Variants in STXBP5L observed in about 807,000 individuals in gnomAD.
The protein encoded by STXBP5L is syntaxin binding protein 5L, also known as syntaxin-binding protein 5-like.
Under a neutral mutation model 144.5 loss-of-function variants are expected in STXBP5L, and 65 were observed. The ratio of observed to expected loss-of-function variants is 0.45; its 90% CI spans 0.37 to 0.55. The LOEUF (loss-of-function observed/expected upper bound fraction) is 0.55. Ranked by LOEUF, STXBP5L falls within the 20% of genes least tolerant of loss-of-function variation. STXBP5L has a pLI of 0.00. For synonymous variants in STXBP5L, 505 were observed against 469.6 expected, an observed-to-expected ratio of 1.08 and a Z score of -0.97; for missense variants, 1,298 against 1,405.5, an observed-to-expected ratio of 0.92 and a Z score of 1.22.
Position 121,142,909 on chromosome 3 carries a change from TA to T in STXBP5L, c.670-9561del, listed in dbSNP as rs528477255. On this transcript the variant is annotated intron_variant, in intron 7 of 26. Coordinates refer to ENST00000471454, the MANE Select transcript of STXBP5L (RefSeq NM_001308330.2). ...TTAGAGGAGAAATAAATGAAATGGA[TA>T]AAAAAATCAACAAAACTGAGAGTTA... 9.2e-5 allele frequency among the ~76,000 whole-genome samples: 14 copies of T among 151,384 alleles called. No homozygotes were observed. In the East Asian group the frequency reaches 2.3e-3, roughly 25 times the overall value.
chr3:121,036,757 G>C, intron 3 of STXBP5L, among the ~76,000 whole-genome samples: 1 of 142,812 alleles, frequency 7.0e-6, no homozygotes, highest in East Asian at 2.0e-4. Flanking sequence ...TTGATAGGAT[G>C]ACTTACATTG....
intron 5 of STXBP5L, among the ~76,000 whole-genome samples, chr3:121,071,636 C>A (rs1156573865): frequency 2.0e-5 from 3 of 152,194 alleles, no homozygotes; most frequent in Non-Finnish European, 4.4e-5. Flanking sequence ...GGGACCATCC[C>A]ATAAAGGCCC....
chr3:121,095,269 G>A (rs895342358), intron 5 of STXBP5L, among the ~76,000 whole-genome samples: 1 of 152,116 alleles, frequency 6.6e-6, no homozygotes, highest in Non-Finnish European at 1.5e-5. Context: ...GTGTCTTGGA[G>A]TTGCTCTTCT....
At chr3:121,324,602 C>T (rs2044083906) in intron 20 of STXBP5L, 1 of 667,778 alleles carries the variant, frequency 1.5e-6, no homozygotes, top group Non-Finnish European at 2.7e-6. Flanking sequence ...ATGAAAATCT[C>T]TTTATGAACA....
At chr3:121,053,906 C>G (rs1948233677) in intron 5 of STXBP5L, among the ~76,000 whole-genome samples, 1 of 151,866 alleles carries the variant, frequency 6.6e-6, no homozygotes, top group South Asian at 2.1e-4. Flanking sequence ...AAAAAACAAA[C>G]AACCCCATCA....
intron 3 of STXBP5L, among the ~76,000 whole-genome samples, chr3:121,039,593 G>A (rs1947002360): frequency 6.6e-6 from 1 of 151,576 alleles, no homozygotes; most frequent in Non-Finnish European, 1.5e-5. Context: ...TTTGCCTGAA[G>A]ACCCTCTTTC....
chr3:121,076,437 C>T (rs1413263088), intron 5 of STXBP5L, among the ~76,000 whole-genome samples: 1 of 152,044 alleles, frequency 6.6e-6, no homozygotes, highest in South Asian at 2.1e-4. Flanking sequence ...TTTTCTGATG[C>T]CTTGCAGTCT....
At chr3:120,961,281 T>C (rs1012364065) in intron 3 of STXBP5L, among the ~76,000 whole-genome samples, 2 of 151,880 alleles carry the variant, frequency 1.3e-5, no homozygotes, top group Admixed American at 6.6e-5. Flanking sequence ...TTTGTTTTTT[T>C]TTTTTAATTA....
At chr3:121,097,500 G>A (rs1041332564) in intron 5 of STXBP5L, among the ~76,000 whole-genome samples, 14 of 152,202 alleles carry the variant, frequency 9.2e-5, no homozygotes, top group Admixed American at 6.5e-5. Flanking sequence ...GACAAATGCA[G>A]TATCTGGGCT....
In STXBP5L at chr3:121,264,044, T is replaced by A. The variant is rs891032732; in HGVS notation, c.1958+4876T>A. Reference sequence around the variant, plus strand: ...CAAGGTTGAAATGAAGGAAAACATGTTAAGGGCAGCCAGAGAGAAAGGTCA... The same window carrying A: ...CAAGGTTGAAATGAAGGAAAACATGATAAGGGCAGCCAGAGAGAAAGGTCA... On this transcript the variant is annotated intron_variant, in intron 18 of 26. Coordinates refer to ENST00000471454, the MANE Select transcript of STXBP5L (RefSeq NM_001308330.2). 3.9e-5 allele frequency among the ~76,000 whole-genome samples: 6 copies of A among 152,132 alleles called. No individual in the cohort carries two copies. In the East Asian group the frequency reaches 9.6e-4, roughly 24 times the overall value.
At chr3:121,050,226 G>A (rs943974153) in intron 5 of STXBP5L, among the ~76,000 whole-genome samples, 2 of 151,900 alleles carry the variant, frequency 1.3e-5, no homozygotes, top group Admixed American at 6.6e-5. Flanking sequence ...GCTATCTCAC[G>A]CCAAATCTCT....
chr3:121,059,044 G>T (rs1948642692), intron 5 of STXBP5L, among the ~76,000 whole-genome samples: 1 of 152,044 alleles, frequency 6.6e-6, no homozygotes, highest in Admixed American at 6.6e-5. Context: ...TGAAGTCTTT[G>T]CCCATGCCTA....
chr3:121,237,422 C>T (rs1418683851), intron 12 of STXBP5L, among the ~76,000 whole-genome samples: 1 of 152,214 alleles, frequency 6.6e-6, no homozygotes, highest in Non-Finnish European at 1.5e-5. Context: ...GGCCTGTCCC[C>T]CAAAACCATT....
At chr3:121,051,394 C>T (rs895658710) in intron 5 of STXBP5L, among the ~76,000 whole-genome samples, 1 of 152,170 alleles carries the variant, frequency 6.6e-6, no homozygotes, top group Non-Finnish European at 1.5e-5. Flanking sequence ...GTCTCTCAGA[C>T]AACAGTGCAA....
At chr3:120,958,440 A>G (rs963285420) in intron 3 of STXBP5L, among the ~76,000 whole-genome samples, 3 of 152,154 alleles carry the variant, frequency 2.0e-5, no homozygotes, top group African/African-American at 7.2e-5. Context: ...CCAAAGGCTG[A>G]CAGAGACACA....
chr3:120,968,622 T>C (rs183603851), intron 3 of STXBP5L, among the ~76,000 whole-genome samples: 1 of 152,136 alleles, frequency 6.6e-6, no homozygotes, highest in Non-Finnish European at 1.5e-5. Context: ...TCTGGTTACA[T>C]AGATAAGTTT....
At chr3:121,157,833 G>A in intron 9 of STXBP5L, 5 of 599,862 alleles carry the variant, frequency 8.3e-6, no homozygotes, top group Non-Finnish European at 7.8e-6. Flanking sequence ...CCACATCCCT[G>A]TTTTGTAAGC....
chr3:121,064,425 T>C (rs1576831350), intron 5 of STXBP5L, among the ~76,000 whole-genome samples: 1 of 152,226 alleles, frequency 6.6e-6, no homozygotes, highest in East Asian at 1.9e-4. Context: ...TTGGCCATCT[T>C]GCCAGCCGCT....
intron 3 of STXBP5L, among the ~76,000 whole-genome samples, chr3:121,008,585 A>G (rs1408306021): frequency 6.6e-6 from 1 of 152,068 alleles, no homozygotes. Flanking sequence ...ATCTTGAATA[A>G]TAACACACTT....
Sources: allele counts gnomAD v4.1 joint callset (sites outside exome capture counted in the v4.1 genomes callset), GRCh38; gene constraint gnomAD v4.1.1; transcripts MANE v1.5; gene names NCBI Gene and HGNC (gene_info 2026-07-23, HGNC 2026-07-21).